ELFN2: variants seen among roughly 807,000 people sequenced by gnomAD.
ELFN2 encodes the protein protein phosphatase 1 regulatory subunit 29.
In ELFN2, 17 loss-of-function variants were observed where a neutral mutation model predicts 45.5. That is an observed-to-expected ratio of 0.37 (90% CI 0.26 to 0.56). The LOEUF (loss-of-function observed/expected upper bound fraction) is 0.56, where lower values mean the gene tolerates loss of function less well. Ranked by LOEUF, ELFN2 falls within the 20% of genes least tolerant of loss-of-function variation. The probability of loss-of-function intolerance (pLI) is 0.77; values close to 1 mark genes in which losing one functional copy is unlikely to be tolerated. For missense variants in ELFN2, 922 were observed against 1,183.2 expected (o/e 0.78, Z 3.24); for synonymous variants, 550 against 551.5 (o/e 1.00, Z 0.04).
chr22:37,375,238 G>A lies in ELFN2; in HGVS notation c.297C>T (p.Phe99=), dbSNP rs1931542902. 2.5e-6 allele frequency: 4 copies of A among 1,614,046 alleles called. No homozygotes were observed. The highest frequency in any genetic ancestry group is 2.2e-5 in the South Asian group (2 of 91,082). Residue 99 remains phenylalanine (F), a synonymous_variant, in exon 3 of 3, where the codon TTC becomes TTT. Coordinates refer to ENST00000402918, the MANE Select transcript of ELFN2 (RefSeq NM_052906.5). ...NEISYIEDGA[F]LGQSSLQVLQ... ...GGACCTGCAGGCTCGACTGGCCCAG[G>A]AAGGCACCGTCCTCGATGTAGGAGA...
intron 2 of ELFN2, among the ~76,000 whole-genome samples, chr22:37,413,199 G>A (rs56070558): frequency 0.25 from 38,082 of 152,004 alleles, 5,815 homozygotes; most frequent in Non-Finnish European, 0.33. Context: ...GGGATAAGAG[G>A]TGGGGCTGGC....
chr22:37,414,800 C>A (rs1003001477), intron 2 of ELFN2, among the ~76,000 whole-genome samples: 21 of 152,320 alleles, frequency 1.4e-4, no homozygotes, highest in African/African-American at 4.8e-4. Flanking sequence ...CCCTTCCCAT[C>A]CCAAGACAGC....
intron 2 of ELFN2, among the ~76,000 whole-genome samples, chr22:37,397,907 C>CCT (rs34564508): frequency 0.036 from 5,444 of 152,272 alleles, 114 homozygotes; most frequent in Middle Eastern, 0.071. Context: ...GCTCGGTTCC[C>CCT]CTCAGCTGTG....
At chr22:37,424,545 A>AC (rs61085587) in intron 1 of ELFN2, among the ~76,000 whole-genome samples, 152,128 of 152,128 alleles carry the variant, frequency 1, 76,064 homozygotes, top group Non-Finnish European at 1. Context: ...CCAGCCAGAG[A>AC]CTCTTGGCCT....
intron 2 of ELFN2, among the ~76,000 whole-genome samples, chr22:37,379,128 G>C (rs1381857777): frequency 1.3e-5 from 2 of 152,244 alleles, no homozygotes; most frequent in Non-Finnish European, 2.9e-5. Context: ...CAGCCGAGCA[G>C]ACAGACAGAG....
chr22:37,402,999 C>T (rs1932402936), intron 2 of ELFN2, among the ~76,000 whole-genome samples: 2 of 152,114 alleles, frequency 1.3e-5, no homozygotes, highest in Admixed American at 1.3e-4. Flanking sequence ...GGGCCAGAGA[C>T]CATGCCTCAC....
chr22:37,415,368 C>T (rs1932748589), intron 2 of ELFN2, among the ~76,000 whole-genome samples: 1 of 152,256 alleles, frequency 6.6e-6, no homozygotes, highest in Admixed American at 6.5e-5. Context: ...GCCAGGGGCT[C>T]AGGCAACGGC....
chr22:37,404,248 C>A (rs908720287), intron 2 of ELFN2, among the ~76,000 whole-genome samples: 2 of 151,992 alleles, frequency 1.3e-5, no homozygotes, highest in Non-Finnish European at 2.9e-5. Context: ...TGGAATGCAT[C>A]GGAGGGGCGG....
chr22:37,423,809 T>A lies in ELFN2; in HGVS notation c.-614+3489A>T, dbSNP rs541759304. Among the ~76,000 whole-genome samples the A allele has an allele frequency of 1.2e-4, 19 of 152,240 alleles. No individual in the cohort carries two copies. In the South Asian group the frequency reaches 3.9e-3, roughly 32 times the overall value. On this transcript the variant is annotated intron_variant, in intron 1 of 2. Coordinates refer to ENST00000402918, the MANE Select transcript of ELFN2 (RefSeq NM_052906.5). ...TGAGTCCTCAGGGCTTCTCTGGGGC[T>A]TTCCTGGGGACTGTCGGCAGAGCTA...
intron 1 of ELFN2, among the ~76,000 whole-genome samples, chr22:37,346,027 G>A (rs763081): frequency 0.99 from 150,339 of 152,266 alleles, 74,229 homozygotes; most frequent in East Asian, 1. Flanking sequence ...TCTCAAAAAC[G>A]CTCACTAACC....
intron 1 of ELFN2, among the ~76,000 whole-genome samples, chr22:37,347,683 C>A (rs1005999599): frequency 7.0e-6 from 1 of 142,938 alleles, no homozygotes; most frequent in Non-Finnish European, 1.6e-5. Context: ...CACACACACA[C>A]AATCAGTGGC....
intron 2 of ELFN2, among the ~76,000 whole-genome samples, chr22:37,402,830 G>A (rs1006255235): frequency 6.6e-6 from 1 of 152,124 alleles, no homozygotes; most frequent in African/African-American, 2.4e-5. Context: ...GCTGGGCCTC[G>A]TCCCAGCCAA....
At chr22:37,423,281 T>C (rs896947367) in intron 1 of ELFN2, among the ~76,000 whole-genome samples, 5 of 152,102 alleles carry the variant, frequency 3.3e-5, no homozygotes, top group African/African-American at 1.2e-4. Context: ...TCCTTTCCTG[T>C]CTCTCCTTGC....
At chr22:37,404,529 C>G (rs1347554154) in intron 2 of ELFN2, among the ~76,000 whole-genome samples, 1 of 151,996 alleles carries the variant, frequency 6.6e-6, no homozygotes, top group Non-Finnish European at 1.5e-5. Flanking sequence ...GAGGCAGAGC[C>G]CGGGTGGGGC....
intron 1 of ELFN2, among the ~76,000 whole-genome samples, chr22:37,344,046 T>G (rs1415649766): frequency 1.7e-5 from 1 of 60,246 alleles, no homozygotes; most frequent in African/African-American, 6.9e-5. Context: ...CACCTGCCCA[T>G]GCCCACCTGC....
chr22:37,345,428 TAAC>T (rs1334199589), intron 1 of ELFN2, among the ~76,000 whole-genome samples: 3 of 152,196 alleles, frequency 2.0e-5, no homozygotes, highest in Non-Finnish European at 1.5e-5. Flanking sequence ...CATGCATTAA[TAAC>T]AACCCCTGCC....
chr22:37,351,960 G>A (rs2145614189), intron 1 of ELFN2, among the ~76,000 whole-genome samples: 1 of 151,070 alleles, frequency 6.6e-6, no homozygotes, highest in Admixed American at 6.6e-5. Flanking sequence ...TGGCCCCCGA[G>A]TAGACTGGGC....
Position 37,373,093 on chromosome 22 carries a change from G to A in ELFN2, c.2442C>T (p.Val814=). 1 of 1,600,700 alleles carries A rather than the reference G, an allele frequency of 6.2e-7. No homozygotes were observed. The change falls in exon 3 of 3, where the codon GTC becomes GTT. Residue 814 remains valine (V), a synonymous_variant. Coordinates refer to ENST00000402918, the MANE Select transcript of ELFN2 (RefSeq NM_052906.5). The part of the protein sequence containing the change: ...LHDILDYWKG[V]SAQQKL ...GGGGTCACAGCTTCTGCTGGGCGGAGACCCCCTTCCAGTAATCAAGGATGT... is the reference window on the plus strand; with the variant it reads ...GGGGTCACAGCTTCTGCTGGGCGGAAACCCCCTTCCAGTAATCAAGGATGT...
intron 2 of ELFN2, among the ~76,000 whole-genome samples, chr22:37,410,151 G>T (rs1408831866): frequency 2.6e-5 from 4 of 152,148 alleles, no homozygotes; most frequent in Non-Finnish European, 4.4e-5. Context: ...TGAGAGACAG[G>T]CGGTTGCGGC....
Sources: gnomAD v4.1 joint callset for allele counts (sites outside exome capture counted in the v4.1 genomes callset) on GRCh38, gnomAD v4.1.1 for gene constraint, MANE v1.5 for transcripts, NCBI Gene and HGNC (gene_info 2026-07-23, HGNC 2026-07-21) for gene names.